LRP1B: variants seen among roughly 807,000 people sequenced by gnomAD.
LRP1B encodes low-density lipoprotein receptor-related protein 1B.
In LRP1B, 217 loss-of-function variants were observed where a neutral mutation model predicts 556.6. The observed-to-expected ratio is 0.39, with a 90% CI of 0.35 to 0.44. The LOEUF is 0.44. Ranked by LOEUF, LRP1B falls within the 20% of genes least tolerant of loss-of-function variation. The pLI, the probability that LRP1B is intolerant of heterozygous loss-of-function variation, is 1.00. For missense variants in LRP1B, 5,053 were observed against 5,620.8 expected (o/e 0.90, Z 3.23); for synonymous variants, 2,047 against 1,865.8 (o/e 1.10, Z -2.50).
intron 31 of LRP1B, among the ~76,000 whole-genome samples, chr2:140,826,487 A>C (rs1691512482): frequency 6.6e-6 from 1 of 152,192 alleles, no homozygotes; most frequent in Admixed American, 6.5e-5. Flanking sequence ...AAAAATAATT[A>C]TCCAGTGCCA....
At chr2:141,641,965 G>A (rs965561525) in intron 2 of LRP1B, among the ~76,000 whole-genome samples, 11 of 151,900 alleles carry the variant, frequency 7.2e-5, no homozygotes, top group African/African-American at 2.7e-4. Flanking sequence ...AGCAATATTT[G>A]TTGATATAGC....
intron 66 of LRP1B, among the ~76,000 whole-genome samples, chr2:140,424,838 A>C (rs555765810): frequency 6.6e-6 from 1 of 152,240 alleles, no homozygotes; most frequent in African/African-American, 2.4e-5. Flanking sequence ...CTGCCTTTAG[A>C]AAAGTTCAGT....
chr2:141,903,553 C>T (rs1004264613), intron 1 of LRP1B, among the ~76,000 whole-genome samples: 2 of 151,878 alleles, frequency 1.3e-5, no homozygotes, highest in African/African-American at 2.4e-5. Flanking sequence ...AATATTTTAA[C>T]ATCTGTTAAG....
At chr2:142,051,648 T>C (rs1355504524) in intron 1 of LRP1B, among the ~76,000 whole-genome samples, 2 of 151,976 alleles carry the variant, frequency 1.3e-5, no homozygotes, top group Non-Finnish European at 2.9e-5. Flanking sequence ...GCTAATTTTT[T>C]GTATTTTTAG....
intron 83 of LRP1B, among the ~76,000 whole-genome samples, chr2:140,305,291 T>C (rs1158279194): frequency 6.6e-6 from 1 of 152,210 alleles, no homozygotes; most frequent in Non-Finnish European, 1.5e-5. Context: ...TCCATGAGCA[T>C]GGAAATTTCT....
At chr2:142,033,221 A>T (rs981588886) in intron 1 of LRP1B, among the ~76,000 whole-genome samples, 3 of 151,714 alleles carry the variant, frequency 2.0e-5, no homozygotes, top group Non-Finnish European at 4.4e-5. Flanking sequence ...TATTAAGATA[A>T]TTTTTTATTT....
chr2:141,142,028 C>T (rs1043634184), intron 7 of LRP1B, among the ~76,000 whole-genome samples: 8 of 150,290 alleles, frequency 5.3e-5, no homozygotes, highest in Admixed American at 4.0e-4. Flanking sequence ...GTAGTAGAAA[C>T]ACCTACAGTT....
At chr2:141,553,346 T>A (rs928391253) in intron 2 of LRP1B, among the ~76,000 whole-genome samples, 1 of 151,866 alleles carries the variant, frequency 6.6e-6, no homozygotes, top group Admixed American at 6.6e-5. Flanking sequence ...AGTATTAAAA[T>A]ATCAGTATCA....
intron 1 of LRP1B, among the ~76,000 whole-genome samples, chr2:142,006,913 T>A (rs1299486317): frequency 2.0e-5 from 3 of 152,196 alleles, no homozygotes; most frequent in Non-Finnish European, 4.4e-5. Context: ...ATAATCACTT[T>A]ACAAAGTGTC....
At chr2:141,406,913 C>CA (rs1270885526) in intron 3 of LRP1B, among the ~76,000 whole-genome samples, 1 of 152,102 alleles carries the variant, frequency 6.6e-6, no homozygotes, top group African/African-American at 2.4e-5. Flanking sequence ...AGCTATTATA[C>CA]AAAATCTTTG....
intron 10 of LRP1B, 21 bp downstream of exon 10, chr2:141,055,095 T>C (rs2105455522): frequency 1.2e-6 from 2 of 1,610,500 alleles, no homozygotes; most frequent in Non-Finnish European, 1.7e-6. Flanking sequence ...TGCTGGCAAA[T>C]GTTTTATTTT....
intron 1 of LRP1B, among the ~76,000 whole-genome samples, chr2:142,087,012 G>A (rs949773349): frequency 6.6e-6 from 1 of 152,046 alleles, no homozygotes; most frequent in Non-Finnish European, 1.5e-5. Flanking sequence ...CATTGCAGGA[G>A]AGTGTTGATC....
intron 32 of LRP1B, among the ~76,000 whole-genome samples, chr2:140,783,331 T>C (rs1415057115): frequency 1.3e-5 from 2 of 151,928 alleles, no homozygotes; most frequent in Non-Finnish European, 2.9e-5. Flanking sequence ...CCTAGTTACA[T>C]TTGAATTCCA....
intron 1 of LRP1B, among the ~76,000 whole-genome samples, chr2:141,942,854 A>G (rs2105017625): frequency 6.6e-6 from 1 of 152,332 alleles, no homozygotes; most frequent in East Asian, 1.9e-4. Flanking sequence ...AGGGTCCTGC[A>G]TATGAGGGGA....
intron 35 of LRP1B, among the ~76,000 whole-genome samples, chr2:140,728,698 C>T (rs1048453222): frequency 1.3e-5 from 2 of 151,910 alleles, no homozygotes; most frequent in African/African-American, 4.8e-5. Context: ...CATCATCATC[C>T]CTGGTGAAAA....
At chr2:141,630,754 G>T (rs986544197) in intron 2 of LRP1B, among the ~76,000 whole-genome samples, 2 of 152,202 alleles carry the variant, frequency 1.3e-5, no homozygotes, top group African/African-American at 2.4e-5. Flanking sequence ...TGCACAGGGG[G>T]TGTTGAAATC....
At chr2:140,737,968 T>C (rs1277352327) in intron 35 of LRP1B, among the ~76,000 whole-genome samples, 1 of 152,154 alleles carries the variant, frequency 6.6e-6, no homozygotes, top group African/African-American at 2.4e-5. Context: ...CTTTTTCCAA[T>C]GCAGAGATGA....
chr2:141,759,717 A>G (rs185584291), intron 2 of LRP1B, among the ~76,000 whole-genome samples: 14 of 152,328 alleles, frequency 9.2e-5, no homozygotes, highest in African/African-American at 3.4e-4. Flanking sequence ...AGGTGGAAGA[A>G]AATATAATGG....
At chr2:141,188,394 G>C (rs2105192684) in intron 7 of LRP1B, 27 bp downstream of exon 7, 1 of 1,600,140 alleles carries the variant, frequency 6.2e-7, no homozygotes, top group Non-Finnish European at 8.5e-7. Context: ...AACTTTTTTA[G>C]ACCAAACACT....
Sources: gnomAD v4.1 joint callset for allele counts (sites outside exome capture counted in the v4.1 genomes callset) on GRCh38, gnomAD v4.1.1 for gene constraint, MANE v1.5 for transcripts, NCBI Gene and HGNC (gene_info 2026-07-23, HGNC 2026-07-21) for gene names.